DMXL2: variants seen among roughly 807,000 people sequenced by gnomAD.
DMXL2 encodes dmX-like protein 2.
Under a neutral mutation model 331.1 loss-of-function variants are expected in DMXL2, and 103 were observed. That is an observed-to-expected ratio of 0.31 (90% confidence interval 0.27 to 0.37). The LOEUF (loss-of-function observed/expected upper bound fraction) is 0.37. Among genes scored for constraint, DMXL2 ranks in the 10% least tolerant of loss-of-function variants. The probability of loss-of-function intolerance (pLI) is 1.00; values close to 1 mark genes in which losing one functional copy is unlikely to be tolerated. For missense variants in DMXL2, 3,171 were observed against 3,642.9 expected (o/e 0.87, Z 3.33); for synonymous variants, 1,281 against 1,252.1 (o/e 1.02, Z -0.49).
At chr15:51,463,707 C>T (rs892973301) in intron 32 of DMXL2, among the ~76,000 whole-genome samples, 2 of 152,152 alleles carry the variant, frequency 1.3e-5, no homozygotes, top group African/African-American at 4.8e-5. Context: ...ATCATTTCAT[C>T]TAGCAACTAA....
chr15:51,495,001 G>C (rs755657454), intron 19 of DMXL2, 23 bp downstream of exon 19: 1 of 1,562,976 alleles, frequency 6.4e-7, no homozygotes, highest in Admixed American at 1.7e-5. Flanking sequence ...GTTGTGCAAA[G>C]CTTCAAACAG....
chr15:51,616,218 G>A (rs562781708), intron 1 of DMXL2, among the ~76,000 whole-genome samples: 1 of 152,118 alleles, frequency 6.6e-6, no homozygotes, highest in South Asian at 2.1e-4. Context: ...GCCTAACTCT[G>A]TTTTCTGTAT....
rs761314617 is a variant in DMXL2 at position 51,507,263 on chromosome 15, A to T, written c.2645-10T>A. On this transcript the variant is annotated splice_polypyrimidine_tract_variant and intron_variant, in intron 15 of 43. Transcript: ENST00000560891. ...GGTGGTGGGCGGTATCCTATTATTC[A>T]AAGGAAAAGGATATTTAAATTAGTA... 1 of 1,598,018 alleles carries T rather than the reference A, an allele frequency of 6.3e-7. No individual in the cohort carries two copies. Among genetic ancestry groups the T allele is most frequent in the African/African-American group, 1.3e-5 (1 of 74,226 alleles).
At chr15:51,470,264 C>A (rs1485643351) in intron 29 of DMXL2, among the ~76,000 whole-genome samples, 1 of 152,056 alleles carries the variant, frequency 6.6e-6, no homozygotes. Context: ...GCCTTTCAAG[C>A]AGCTAGAACT....
At chr15:51,534,289 A>G (rs1387738534) in intron 13 of DMXL2, among the ~76,000 whole-genome samples, 1 of 152,218 alleles carries the variant, frequency 6.6e-6, no homozygotes, top group African/African-American at 2.4e-5. Flanking sequence ...TGTAAAACAG[A>G]TAAAGAAACT....
At chr15:51,561,618 T>C (rs1438087791) in intron 6 of DMXL2, among the ~76,000 whole-genome samples, 1 of 152,150 alleles carries the variant, frequency 6.6e-6, no homozygotes, top group Non-Finnish European at 1.5e-5. Context: ...TGGAAAACAG[T>C]ACGGAGTTTT....
intron 13 of DMXL2, among the ~76,000 whole-genome samples, chr15:51,525,260 AG>A (rs1002041096): frequency 6.6e-6 from 1 of 152,076 alleles, no homozygotes; most frequent in African/African-American, 2.4e-5. Context: ...GTACTGTGCC[AG>A]GGGTCTTGGA....
At position 51,478,352 on chromosome 15, in the gene DMXL2, A is replaced by G. The variant is rs1310159529; in HGVS notation, c.6757-5T>C. ...TAGTGAATGAAGTGTGTGCACCTAAAACCAAAACAGTCACAATTACATTTT... is the reference window on the plus strand; with the variant it reads ...TAGTGAATGAAGTGTGTGCACCTAAGACCAAAACAGTCACAATTACATTTT... On this transcript the variant is annotated splice_region_variant and splice_polypyrimidine_tract_variant and intron_variant, in intron 25 of 43. Transcript: ENST00000560891. 6.2e-7 allele frequency: 1 copy of G among 1,612,090 alleles called. No homozygotes were observed.
At chr15:51,556,139 C>T (rs961281142) in intron 6 of DMXL2, among the ~76,000 whole-genome samples, 6 of 151,428 alleles carry the variant, frequency 4.0e-5, no homozygotes, top group South Asian at 4.2e-4. Flanking sequence ...GTCAGGAGAT[C>T]GAGACCATCC....
At chr15:51,598,478 T>G (rs1158024744) in intron 1 of DMXL2, among the ~76,000 whole-genome samples, 1 of 152,192 alleles carries the variant, frequency 6.6e-6, no homozygotes, top group Non-Finnish European at 1.5e-5. Context: ...TTAGATTTCT[T>G]GAACTGCTGC....
chr15:51,481,635 A>C lies in DMXL2; in HGVS notation c.5483-12T>G, dbSNP rs1189691441. ...AGACTTGATGATAACTATAGAAATC[A>C]AACAGATAAAATCACAAAGCATTGT... On this transcript the variant is annotated splice_polypyrimidine_tract_variant and intron_variant, in intron 23 of 43. Coordinates refer to ENST00000560891, the MANE Select transcript of DMXL2 (RefSeq NM_001378457.1). The C allele has an allele frequency of 1.3e-6, 2 of 1,520,976 alleles. No individual in the cohort carries two copies. The highest frequency in any genetic ancestry group is 2.3e-5 in the East Asian group (1 of 44,104). The allele number at this position is 1,520,976 out of a possible 1,614,324, so 94.2% of individuals were successfully genotyped here. A position where few individuals can be genotyped will look rare whatever the true frequency, so the allele number is the denominator to read the frequency against.
At chr15:51,522,660 TA>T (rs934471740) in intron 13 of DMXL2, among the ~76,000 whole-genome samples, 5 of 151,864 alleles carry the variant, frequency 3.3e-5, no homozygotes, top group African/African-American at 1.2e-4. Context: ...AATAAAAACA[TA>T]AAATAAATAA....
At chr15:51,615,516 T>C (rs1219844421) in intron 1 of DMXL2, among the ~76,000 whole-genome samples, 2 of 152,190 alleles carry the variant, frequency 1.3e-5, no homozygotes, top group African/African-American at 4.8e-5. Context: ...CTCTCCTCAC[T>C]AGTTGGCAGT....
intron 11 of DMXL2, 82 bp from the exon 12 acceptor site, chr15:51,536,944 C>T: frequency 8.4e-7 from 1 of 1,194,734 alleles, no homozygotes; most frequent in Non-Finnish European, 1.2e-6. Context: ...AATACCAAAT[C>T]TCAGCTTCTT....
At chr15:51,457,874 G>A (rs1231929697) in intron 36 of DMXL2, 1 of 163,486 alleles carries the variant, frequency 6.1e-6, no homozygotes, top group Non-Finnish European at 1.3e-5. Flanking sequence ...ATAGTACATG[G>A]TTATATCTAC....
chr15:51,540,059 A>G (rs2048503372), intron 9 of DMXL2, among the ~76,000 whole-genome samples: 1 of 152,226 alleles, frequency 6.6e-6, no homozygotes, highest in Non-Finnish European at 1.5e-5. Flanking sequence ...TGAATTAGCA[A>G]TCCTATAAAA....
At chr15:51,604,254 A>G (rs1342978449) in intron 1 of DMXL2, among the ~76,000 whole-genome samples, 3 of 142,608 alleles carry the variant, frequency 2.1e-5, no homozygotes, top group Non-Finnish European at 4.6e-5. Context: ...GAATCTTCTC[A>G]GCCTTATAAA....
In DMXL2 at chr15:51,536,693, G is replaced by C. The variant is rs143850714; in HGVS notation, c.1787C>G (p.Ser596Cys). ...GTTCATATGTGTACTGTGGGATCTA[G>C]AGTGTGGCTGTGATCCGTGAGGACT... ...VGSPHGSQPH[S>C]RSHSTHMNIL... The change falls in exon 12 of 44, where the codon TCT becomes TGT. Residue 596 changes from serine to cysteine, a missense_variant. Ser to Cys is a moderately radical substitution (Grantham distance 112). Around this residue, in one of 7 missense-constraint regions of DMXL2, gnomAD observed 1,674 missense variants for 1,780.2 expected, o/e 0.94. Transcript: ENST00000560891. 581 of 1,614,058 alleles carry C rather than the reference G, an allele frequency of 3.6e-4. No homozygotes were observed. In the Middle Eastern group the frequency reaches 5.4e-3, roughly 15 times the overall value.
At position 51,502,880 on chromosome 15, in the gene DMXL2, C is replaced by T. The variant is rs1257148981; in HGVS notation, c.2918G>A (p.Ser973Asn). The T allele has an allele frequency of 2.5e-6, 4 of 1,613,936 alleles. No homozygotes were observed. The highest frequency in any genetic ancestry group is 2.7e-5 in the African/African-American group (2 of 74,882). The change falls in exon 17 of 44, where the codon AGT (serine) becomes AAT (asparagine). Residue 973 changes from serine to asparagine, a missense_variant. By Grantham distance (46) the Ser-to-Asn change is conservative. This residue lies in a region of DMXL2 where 1,674 missense variants were observed against 1,780.2 expected (regional missense o/e 0.94). Transcript: ENST00000560891. ...NLQTASKLIL[S>N]SRLVYSQPLD... ...GGGTTGGCTATACACCAGTCTAGAA[C>T]TCAGAATAAGTTTACTGGCAGTTTG...
Sources: allele counts gnomAD v4.1 joint callset (sites outside exome capture counted in the v4.1 genomes callset), GRCh38; gene constraint gnomAD v4.1.1; regional missense constraint gnomAD v4.1.1; transcripts MANE v1.5; gene names NCBI Gene and HGNC (gene_info 2026-07-23, HGNC 2026-07-21).